Variants in CFAP92 observed in about 807,000 individuals in gnomAD.
The protein encoded by CFAP92 is cilia and flagella associated protein 92 (putative), also known as uncharacterized protein CFAP92.
Under a neutral mutation model 106.3 loss-of-function variants are expected in CFAP92, and 86 were observed. That is an observed-to-expected ratio of 0.81 (90% CI 0.68 to 0.97). The LOEUF (loss-of-function observed/expected upper bound fraction) is 0.97, where lower values mean the gene tolerates loss of function less well. Among genes scored for constraint, CFAP92 ranks in the 50% least tolerant of loss-of-function variants. CFAP92 has a pLI of 0.00. For missense variants in CFAP92, 1,204 were observed against 1,283.8 expected (o/e 0.94, Z 0.95); for synonymous variants, 477 against 506.4 (o/e 0.94, Z 0.78).
At chr3:128,950,785 G>A (rs906215480) in intron 9 of CFAP92, among the ~76,000 whole-genome samples, 33 of 152,154 alleles carry the variant, frequency 2.2e-4, no homozygotes, top group African/African-American at 7.5e-4. Context: ...TTTTGCTGAG[G>A]CCTGGTCACA....
chr3:129,002,941 A>G (rs1389503646), upstream of CFAP92, among the ~76,000 whole-genome samples: 1 of 152,138 alleles, frequency 6.6e-6, no homozygotes, highest in African/African-American at 2.4e-5. Flanking sequence ...AGAAGAAACC[A>G]TGGGGTGAGA....
intron 10 of CFAP92, among the ~76,000 whole-genome samples, chr3:128,937,381 G>A (rs550256334): frequency 6.6e-6 from 1 of 151,796 alleles, no homozygotes; most frequent in South Asian, 2.1e-4. Context: ...GGGAGGCCGA[G>A]GTGGGCAGAT....
chr3:128,980,722 CCATCT>C (rs113428205), intron 4 of CFAP92, among the ~76,000 whole-genome samples: 28 of 152,306 alleles, frequency 1.8e-4, no homozygotes, highest in African/African-American at 6.7e-4. Flanking sequence ...GGAGTAGATT[CCATCT>C]CATCTCAAGA....
upstream of CFAP92, among the ~76,000 whole-genome samples, chr3:128,994,311 C>T (rs971380596): frequency 2.1e-4 from 32 of 152,236 alleles, no homozygotes; most frequent in Admixed American, 1.9e-3. Flanking sequence ...CTCGGAACGT[C>T]AGCACCTACT....
intron 4 of CFAP92, among the ~76,000 whole-genome samples, chr3:128,987,059 G>A (rs1339015169): frequency 6.6e-6 from 1 of 152,216 alleles, no homozygotes; most frequent in Non-Finnish European, 1.5e-5. Flanking sequence ...TGCTCAGGAG[G>A]CTGAGGCAGG....
chr3:128,929,993 T>C (rs1938163018), intron 12 of CFAP92, among the ~76,000 whole-genome samples: 6 of 152,134 alleles, frequency 3.9e-5, no homozygotes, highest in Admixed American at 3.9e-4. Context: ...ATAGTATGAA[T>C]AGGAAATTTA....
At chr3:128,952,802 T>C (rs1940940743) in intron 9 of CFAP92, among the ~76,000 whole-genome samples, 1 of 151,732 alleles carries the variant, frequency 6.6e-6, no homozygotes, top group East Asian at 1.9e-4. Context: ...AGAAAGTAAA[T>C]AGGCCGGGTG....
Position 128,920,731 on chromosome 3 carries a change from G to A in CFAP92, c.2752-4460C>T, listed in dbSNP as rs371504851. On this transcript the variant is annotated intron_variant, in intron 12 of 15. Transcript: ENST00000645291. ...CCAAAGGGTGGAAGGCTGCCCTGCCGCACTACAATCTAAGCCCAGGGCACA... is the reference window on the plus strand; with the variant it reads ...CCAAAGGGTGGAAGGCTGCCCTGCCACACTACAATCTAAGCCCAGGGCACA... 3.9e-4 allele frequency among the ~76,000 whole-genome samples: 59 copies of A among 152,222 alleles called. 1 individual carries two copies. In the South Asian group the frequency reaches 0.012, roughly 31 times the overall value.
At chr3:129,003,681 C>A, upstream of CFAP92, 1 of 1,053,726 alleles carries the variant, frequency 9.5e-7, no homozygotes, top group Non-Finnish European at 1.2e-6. Context: ...GCGCAAGAAA[C>A]GTGCTCAAGC....
chr3:129,022,260 T>C, the CFAP92 span, among the ~76,000 whole-genome samples: 1 of 152,138 alleles, frequency 6.6e-6, no homozygotes, highest in African/African-American at 2.4e-5. Flanking sequence ...TCCCCAGCAG[T>C]GTTGACTGAT....
At chr3:128,931,475 G>GTA (rs1452412694) in intron 12 of CFAP92, among the ~76,000 whole-genome samples, 1 of 59,510 alleles carries the variant, frequency 1.7e-5, no homozygotes. Flanking sequence ...ACACATACAT[G>GTA]TATATATATG....
intron 12 of CFAP92, among the ~76,000 whole-genome samples, chr3:128,921,582 A>C (rs1363113480): frequency 6.6e-6 from 1 of 152,220 alleles, no homozygotes; most frequent in Admixed American, 6.5e-5. Flanking sequence ...CCATTGTTTC[A>C]ATTGTGGGCA....
upstream of CFAP92, among the ~76,000 whole-genome samples, chr3:129,006,431 C>T (rs757946785): frequency 2.6e-5 from 4 of 152,226 alleles, no homozygotes; most frequent in African/African-American, 7.2e-5. Flanking sequence ...ATTCTCCTGC[C>T]TCAGCCTCCC....
intron 4 of CFAP92, among the ~76,000 whole-genome samples, chr3:128,980,575 T>A (rs113863521): frequency 1.8e-4 from 28 of 152,256 alleles, no homozygotes; most frequent in African/African-American, 6.7e-4. Context: ...AGCTGTTTCA[T>A]AGCATTTTGC....
At chr3:128,991,061 G>T (rs1261403647) in intron 2 of CFAP92, among the ~76,000 whole-genome samples, 1 of 152,128 alleles carries the variant, frequency 6.6e-6, no homozygotes, top group Non-Finnish European at 1.5e-5. Flanking sequence ...GGCACACAAG[G>T]TCTCATGAAG....
At position 128,975,786 on chromosome 3, in the gene CFAP92, C is replaced by T. The variant is rs201367153; in HGVS notation, c.1014G>A (p.Arg338=). ...AATCCTATCCTAACTTACTTTGAGA[C>T]CTTTGTCTGTCTAATATGTTTGTTA... ...SSLTNILDRQ[R]SQIKGKDSEG... The change falls in exon 7 of 16, where the codon AGG becomes AGA. Residue 338 remains arginine (R), a synonymous_variant. Coordinates refer to ENST00000645291, the MANE Select transcript of CFAP92 (RefSeq NM_001394090.1). The T allele has an allele frequency of 2.5e-6, 4 of 1,592,880 alleles. No homozygotes were observed. Among genetic ancestry groups the T allele is most frequent in the Non-Finnish European group, 1.7e-6 (2 of 1,170,210 alleles).
the CFAP92 span, among the ~76,000 whole-genome samples, chr3:129,024,546 A>G: frequency 2.0e-5 from 3 of 152,098 alleles, no homozygotes; most frequent in African/African-American, 4.8e-5. Context: ...AAAAGAAAAA[A>G]AAAAAGAAAA....
At chr3:128,957,732 C>A (rs1354940600) in intron 9 of CFAP92, among the ~76,000 whole-genome samples, 1 of 152,114 alleles carries the variant, frequency 6.6e-6, no homozygotes, top group Non-Finnish European at 1.5e-5. Flanking sequence ...ACATGCAAGG[C>A]CATTATCCTG....
At chr3:128,918,940 A>ATTT (rs10573280) in intron 12 of CFAP92, among the ~76,000 whole-genome samples, 32 of 105,850 alleles carry the variant, frequency 3.0e-4, no homozygotes, top group Admixed American at 5.2e-4. Context: ...CTCAGATTGG[A>ATTT]TTTTTTTTTT....
Sources: gnomAD v4.1 joint callset for allele counts (sites outside exome capture counted in the v4.1 genomes callset) on GRCh38, gnomAD v4.1.1 for gene constraint, MANE v1.5 for transcripts, NCBI Gene and HGNC (gene_info 2026-07-23, HGNC 2026-07-21) for gene names.